The following INVS variants were observed in gnomAD, a reference collection of about 807,000 sequenced individuals.
INVS encodes the protein inversion of embryo turning homolog.
INVS carries 86 observed loss-of-function variants against 108.8 expected under a neutral mutation model. The observed-to-expected ratio is 0.79, with a 90% CI of 0.66 to 0.95. The LOEUF is 0.95. Among genes scored for constraint, INVS ranks in the 40% least tolerant of loss-of-function variants. The probability of loss-of-function intolerance (pLI) is 0.00; values close to 1 mark genes in which losing one functional copy is unlikely to be tolerated. For missense variants in INVS, 1,169 were observed against 1,297.4 expected (o/e 0.90, Z 1.52); for synonymous variants, 455 against 473.5 (o/e 0.96, Z 0.51).
intron 3 of INVS, 77 bp from the exon 4 acceptor site, chr9:100,225,985 T>C: frequency 2.9e-6 from 3 of 1,024,598 alleles, no homozygotes; most frequent in Non-Finnish European, 4.4e-6. Flanking sequence ...ATTAACATAC[T>C]TAAAACATTT....
intron 11 of INVS, among the ~76,000 whole-genome samples, chr9:100,268,381 ACT>A (rs1370292711): frequency 6.6e-6 from 1 of 152,000 alleles, no homozygotes; most frequent in Non-Finnish European, 1.5e-5. Context: ...GGATATTAGG[ACT>A]CTCTCAAGTC....
chr9:100,229,607 T>G (rs1055200264), intron 4 of INVS, 53 bp from the exon 5 acceptor site: 1 of 1,527,504 alleles, frequency 6.5e-7, no homozygotes, highest in Non-Finnish European at 9.1e-7. Context: ...AATAAAAGAT[T>G]GGGGAAAGTT....
chr9:100,287,197 G>A (rs1564191255), intron 13 of INVS, among the ~76,000 whole-genome samples: 1 of 152,160 alleles, frequency 6.6e-6, no homozygotes, highest in African/African-American at 2.4e-5. Flanking sequence ...CCTTGACTCT[G>A]GTTTACGTGG....
chr9:100,157,561 G>A (rs58322747), intron 3 of INVS, among the ~76,000 whole-genome samples: 4,838 of 151,918 alleles, frequency 0.032, 232 homozygotes, highest in African/African-American at 0.11. Flanking sequence ...CACCGTGCCC[G>A]GCCAAGAAAT....
At chr9:100,172,735 G>T (rs1328122330) in intron 3 of INVS, among the ~76,000 whole-genome samples, 2 of 152,214 alleles carry the variant, frequency 1.3e-5, no homozygotes, top group African/African-American at 4.8e-5. Flanking sequence ...GATAATACTT[G>T]TGAGTCCACT....
chr9:100,240,329 C>A (rs1831826983), intron 6 of INVS, 89 bp downstream of exon 6: 2 of 923,692 alleles, frequency 2.2e-6, no homozygotes, highest in Non-Finnish European at 1.8e-6. Context: ...ACTCCCAACT[C>A]CTAGTTAATT....
intron 12 of INVS, among the ~76,000 whole-genome samples, chr9:100,280,984 C>A (rs1833256726): frequency 6.6e-6 from 1 of 152,182 alleles, no homozygotes; most frequent in South Asian, 2.1e-4. Context: ...ATGATTGCAC[C>A]ACTGCATTCC....
intron 3 of INVS, among the ~76,000 whole-genome samples, chr9:100,179,327 A>G (rs1829812116): frequency 6.6e-6 from 1 of 152,236 alleles, no homozygotes; most frequent in South Asian, 2.1e-4. Context: ...TGCCCCAATT[A>G]AAAGACACAG....
chr9:100,136,039 G>A (rs1828214894), intron 3 of INVS, among the ~76,000 whole-genome samples: 1 of 151,976 alleles, frequency 6.6e-6, no homozygotes, highest in Non-Finnish European at 1.5e-5. Context: ...GCTAAGATTT[G>A]AATAGTTCCT....
rs140664868 is a variant in INVS, at chr9:100,229,827, G to C, written c.615G>C (p.Leu205=). ...CTGTTCACACAGTGAGATGCATTCT[G>C]GTGAGTTGAATGGTACTGCTAGACC... is the stretch of plus-strand genomic sequence containing the variant. The part of the protein sequence containing the change: ...PSAVHTVRCI[L]DAAPTESLLN... The change falls in exon 5 of 17, where the codon CTG becomes CTC. Residue 205 remains leucine (L), a splice_region_variant and synonymous_variant. Transcript: ENST00000262457. The C allele has an allele frequency of 8.7e-6, 14 of 1,613,974 alleles. No homozygotes were observed. In the African/African-American group the frequency reaches 1.5e-4, roughly 17 times the overall value.
In INVS at chr9:100,104,503, T is replaced by C. The variant is rs1827108363; in HGVS notation, c.-19T>C. ...TGTCTGAATCATTGTTTCAGGTTGC[T>C]CCGGTTGCTAAGAAGACTATGAACA... On this transcript the variant is annotated 5_prime_UTR_variant, in exon 2 of 17. Transcript: ENST00000262457. 6.4e-7 allele frequency: 1 copy of C among 1,572,546 alleles called. No individual in the cohort carries two copies. The highest frequency in any genetic ancestry group is 8.8e-7 in the Non-Finnish European group (1 of 1,142,186).
At chr9:100,240,849 G>A (rs183353564) in intron 6 of INVS, among the ~76,000 whole-genome samples, 3 of 151,200 alleles carry the variant, frequency 2.0e-5, no homozygotes, top group African/African-American at 7.3e-5. Flanking sequence ...GTTTTGTTTT[G>A]TTTCCTGTTT....
intron 3 of INVS, among the ~76,000 whole-genome samples, chr9:100,176,820 G>C (rs1829726791): frequency 6.6e-6 from 1 of 152,072 alleles, no homozygotes; most frequent in Non-Finnish European, 1.5e-5. Context: ...GGATTAAGCT[G>C]TAACATACTT....
chr9:100,256,354 T>A (rs926575815), intron 10 of INVS, among the ~76,000 whole-genome samples: 7 of 151,992 alleles, frequency 4.6e-5, no homozygotes, highest in African/African-American at 1.7e-4. Context: ...GTTGATCTTT[T>A]AAAAAAAACC....
At chr9:100,230,466 TTTTG>T (rs1333313222) in intron 5 of INVS, among the ~76,000 whole-genome samples, 1 of 151,778 alleles carries the variant, frequency 6.6e-6, no homozygotes, top group Non-Finnish European at 1.5e-5. Context: ...TTTTGTTTTG[TTTTG>T]TTTTTTTGCA....
At position 100,292,627 on chromosome 9, in the gene INVS, C is replaced by G. The variant is rs1168278723; in HGVS notation, c.2370C>G (p.Pro790=). The change falls in exon 14 of 17, where the codon CCC becomes CCG. Residue 790 remains proline (P), a synonymous_variant. Coordinates refer to ENST00000262457, the MANE Select transcript of INVS (RefSeq NM_014425.5). ...CAGAACCCAAGGCCAAATGTGCCCCCCAGAAAAGGCGCACTCAAGAGCTCA... is the reference window on the plus strand; with the variant it reads ...CAGAACCCAAGGCCAAATGTGCCCCGCAGAAAAGGCGCACTCAAGAGCTCA... ...HDTEPKAKCA[P]QKRRTQELRG... 1 of 1,614,194 alleles carries G rather than the reference C, an allele frequency of 6.2e-7. No individual in the cohort carries two copies. Among genetic ancestry groups the G allele is most frequent in the East Asian group, 2.2e-5 (1 of 44,880 alleles).
intron 3 of INVS, among the ~76,000 whole-genome samples, chr9:100,178,634 G>A (rs997222097): frequency 6.6e-6 from 1 of 152,184 alleles, no homozygotes; most frequent in African/African-American, 2.4e-5. Flanking sequence ...AGAAATATAG[G>A]ACTATGTGAA....
intron 3 of INVS, chr9:100,176,117 C>T: frequency 2.2e-6 from 1 of 449,914 alleles, no homozygotes; most frequent in Non-Finnish European, 4.2e-6. Context: ...CCTTCCTCTC[C>T]CCTCCTGCCT....
At chr9:100,100,825 AT>A (rs1303807471) in intron 1 of INVS, among the ~76,000 whole-genome samples, 544 of 42,690 alleles carry the variant, frequency 0.013, 152 homozygotes, top group Middle Eastern at 0.12. Flanking sequence ...TATATAATAT[AT>A]GTATATATAA....
Sources: gnomAD v4.1 joint callset for allele counts (sites outside exome capture counted in the v4.1 genomes callset) on GRCh38, gnomAD v4.1.1 for gene constraint, MANE v1.5 for transcripts, NCBI Gene and HGNC (gene_info 2026-07-23, HGNC 2026-07-21) for gene names.